The following DLG2 variants were observed in gnomAD, a reference collection of about 807,000 sequenced individuals.
DLG2 encodes disks large homolog 2.
A neutral mutation model predicts 132.5 loss-of-function variants in DLG2; 45 were observed. That is an observed-to-expected ratio of 0.34 (90% CI 0.27 to 0.44). DLG2 has a LOEUF of 0.44. Ranked by LOEUF, DLG2 falls within the 20% of genes least tolerant of loss-of-function variation. The pLI, the probability that DLG2 is intolerant of heterozygous loss-of-function variation, is 1.00. For missense variants in DLG2, 1,045 were observed against 1,196.9 expected, an observed-to-expected ratio of 0.87 and a Z score of 1.87; for synonymous variants, 424 against 419.6, an observed-to-expected ratio of 1.01 and a Z score of -0.13.
intron 6 of DLG2, among the ~76,000 whole-genome samples, chr11:84,719,205 T>C (rs2061531265): frequency 6.6e-6 from 1 of 152,228 alleles, no homozygotes; most frequent in Non-Finnish European, 1.5e-5. Flanking sequence ...TCAGTGTGTG[T>C]GTTTCATTAA....
At chr11:84,417,640 C>T (rs959573492) in intron 7 of DLG2, among the ~76,000 whole-genome samples, 2 of 152,176 alleles carry the variant, frequency 1.3e-5, no homozygotes, top group Admixed American at 6.5e-5. Flanking sequence ...TGCCCATCTT[C>T]TCTGCCCACC....
At chr11:83,813,807 A>T (rs1314508441) in intron 17 of DLG2, among the ~76,000 whole-genome samples, 1 of 152,120 alleles carries the variant, frequency 6.6e-6, no homozygotes, top group East Asian at 1.9e-4. Flanking sequence ...ATAACAGCCA[A>T]CATTTATCAA....
intron 6 of DLG2, among the ~76,000 whole-genome samples, chr11:84,575,295 C>G (rs1381167739): frequency 6.6e-6 from 1 of 152,058 alleles, no homozygotes; most frequent in African/African-American, 2.4e-5. Context: ...TATTAAATTA[C>G]TTATAGTTCC....
chr11:85,537,478 C>CCAGGAGGGATGAACAACTCCAGA (rs1374616690), intron 3 of DLG2, among the ~76,000 whole-genome samples: 21 of 152,064 alleles, frequency 1.4e-4, no homozygotes, highest in Non-Finnish European at 2.4e-4. Flanking sequence ...CACCAACCCA[C>CCAGGAGGGATGAACAACTCCAGA]CAGGAGGGAT....
At chr11:85,229,171 T>C (rs1224706779) in intron 4 of DLG2, among the ~76,000 whole-genome samples, 1 of 132,384 alleles carries the variant, frequency 7.6e-6, no homozygotes, top group Non-Finnish European at 1.6e-5. Flanking sequence ...ACATATCCTA[T>C]AGATCAACAA....
At chr11:85,437,747 A>C (rs1227727657) in intron 3 of DLG2, among the ~76,000 whole-genome samples, 1 of 152,154 alleles carries the variant, frequency 6.6e-6, no homozygotes, top group Non-Finnish European at 1.5e-5. Context: ...AACTAATATA[A>C]GTTAATTTAG....
intron 6 of DLG2, among the ~76,000 whole-genome samples, chr11:84,812,425 C>A (rs527538468): frequency 6.6e-6 from 1 of 152,058 alleles, no homozygotes; most frequent in Non-Finnish European, 1.5e-5. Flanking sequence ...CTTTTGTGTG[C>A]ACAATAAAAT....
At chr11:84,614,221 C>T (rs992689280) in intron 6 of DLG2, among the ~76,000 whole-genome samples, 6 of 152,072 alleles carry the variant, frequency 3.9e-5, no homozygotes, top group African/African-American at 1.4e-4. Flanking sequence ...CCAATAAGTG[C>T]TGTGTTGATA....
chr11:83,728,587 TG>T (rs1309151124), intron 18 of DLG2, among the ~76,000 whole-genome samples: 2 of 152,248 alleles, frequency 1.3e-5, no homozygotes, highest in African/African-American at 4.8e-5. Context: ...GATCCTTGCT[TG>T]GCTGAAGGTT....
At chr11:84,353,578 CT>C (rs2098594546) in intron 7 of DLG2, among the ~76,000 whole-genome samples, 1 of 152,120 alleles carries the variant, frequency 6.6e-6, no homozygotes, top group Admixed American at 6.6e-5. Context: ...CTATTGTCTC[CT>C]TTTATTCAAC....
At chr11:83,781,002 A>T (rs928969773) in intron 18 of DLG2, among the ~76,000 whole-genome samples, 2 of 152,222 alleles carry the variant, frequency 1.3e-5, no homozygotes, top group South Asian at 4.1e-4. Flanking sequence ...TAAAATGCAG[A>T]TTCTGATTCA....
chr11:83,680,716 A>T (rs1473703654), intron 18 of DLG2, among the ~76,000 whole-genome samples: 1 of 152,292 alleles, frequency 6.6e-6, no homozygotes, highest in Non-Finnish European at 1.5e-5. Flanking sequence ...TGAACAAAAA[A>T]GTGTTCCTGA....
intron 9 of DLG2, among the ~76,000 whole-genome samples, chr11:84,143,394 T>C (rs1262479169): frequency 6.6e-6 from 1 of 152,152 alleles, no homozygotes; most frequent in Non-Finnish European, 1.5e-5. Context: ...TGATTGGTAA[T>C]ATTGAGTTAA....
chr11:84,510,532 T>A (rs1275148708), intron 7 of DLG2, among the ~76,000 whole-genome samples: 1 of 152,168 alleles, frequency 6.6e-6, no homozygotes, highest in African/African-American at 2.4e-5. Context: ...AAATAAGTAA[T>A]ATAGTTTATT....
At chr11:84,629,903 T>C (rs1454998907) in intron 6 of DLG2, among the ~76,000 whole-genome samples, 2 of 152,074 alleles carry the variant, frequency 1.3e-5, no homozygotes, top group East Asian at 3.9e-4. Context: ...TCTACTTTTT[T>C]CTCATAATTT....
chr11:85,497,895 C>T (rs528866576), intron 3 of DLG2, among the ~76,000 whole-genome samples: 1 of 152,252 alleles, frequency 6.6e-6, no homozygotes, highest in South Asian at 2.1e-4. Context: ...ATTTTGTCAC[C>T]ACCAGGTCTG....
chr11:83,906,137 A>G (rs1229500809), intron 15 of DLG2, among the ~76,000 whole-genome samples: 2 of 149,226 alleles, frequency 1.3e-5, no homozygotes, highest in African/African-American at 4.9e-5. Context: ...AAAGCTCACA[A>G]AATAAAAGTT....
intron 21 of DLG2, among the ~76,000 whole-genome samples, chr11:83,491,176 T>TAACA (rs2093823064): frequency 6.7e-6 from 1 of 150,242 alleles, no homozygotes; most frequent in African/African-American, 2.4e-5. Context: ...ACTTCAAATC[T>TAACA]AACACCAGGA....
chr11:84,056,235 C>G (rs1331495945), intron 11 of DLG2, among the ~76,000 whole-genome samples: 2 of 152,086 alleles, frequency 1.3e-5, no homozygotes, highest in Non-Finnish European at 2.9e-5. Flanking sequence ...CCCCACAACC[C>G]CGGAACAGGC....
Sources: allele counts gnomAD v4.1 joint callset (sites outside exome capture counted in the v4.1 genomes callset), GRCh38; gene constraint gnomAD v4.1.1; transcripts MANE v1.5; gene names NCBI Gene and HGNC (gene_info 2026-07-23, HGNC 2026-07-21).